The following WASL variants were observed in gnomAD, a reference collection of about 807,000 sequenced individuals.
WASL encodes WASP like actin nucleation promoting factor, also known as actin nucleation-promoting factor WASL.
A neutral mutation model predicts 55.5 loss-of-function variants in WASL; 20 were observed. The observed-to-expected ratio is 0.36, with a 90% confidence interval of 0.25 to 0.52. The LOEUF is 0.52. WASL is among the 20% of genes least tolerant of loss of function. The pLI is 0.92. For missense variants in WASL, 504 were observed against 622.5 expected, an observed-to-expected ratio of 0.81 and a Z score of 2.03; for synonymous variants, 249 against 217.6, an observed-to-expected ratio of 1.14 and a Z score of -1.27.
Position 123,747,462 on chromosome 7 carries a change from C to T in WASL, c.117+1156G>A, listed in dbSNP as rs1221391600. Among the ~76,000 whole-genome samples, 11 of 152,180 alleles carry T rather than the reference C, an allele frequency of 7.2e-5. 1 individual carries two copies. The highest frequency in any genetic ancestry group is 7.2e-4 in the Admixed American group (11 of 15,280). On this transcript the variant is annotated intron_variant, in intron 1 of 10. Transcript: ENST00000223023. ...GATGGCACAAGATACAAAGGGTGGA[C>T]TCCTATGAAGTTAACAATGAATCCA... is the stretch of plus-strand genomic sequence containing the variant.
intron 1 of WASL, among the ~76,000 whole-genome samples, chr7:123,714,820 T>G (rs1191722631): frequency 2.6e-5 from 4 of 152,028 alleles, no homozygotes; most frequent in Non-Finnish European, 5.9e-5. Context: ...AAAACCTAAC[T>G]AGTGTAGGAA....
chr7:123,701,076 C>G (rs1476578872), intron 5 of WASL, among the ~76,000 whole-genome samples: 1 of 152,104 alleles, frequency 6.6e-6, no homozygotes, highest in East Asian at 1.9e-4. Context: ...AAAGTGATAA[C>G]CTGTTTAAGG....
chr7:123,721,734 G>GA (rs1290101432), intron 1 of WASL, among the ~76,000 whole-genome samples: 1 of 152,106 alleles, frequency 6.6e-6, no homozygotes, highest in Non-Finnish European at 1.5e-5. Flanking sequence ...CCAACATGAT[G>GA]AAACCCTGTC....
In WASL at chr7:123,684,254, T is replaced by C. The variant is rs983066247; in HGVS notation, c.*265A>G. The C allele has an allele frequency of 6.8e-5, 12 of 176,604 alleles. No homozygotes were observed. Among genetic ancestry groups the C allele is most frequent in the Admixed American group, 4.3e-4 (7 of 16,106 alleles). 10.9% of individuals were successfully genotyped at this position (176,604 alleles called of 1,614,324 possible). A position where few individuals can be genotyped will look rare whatever the true frequency, so the allele number is the denominator to read the frequency against. On this transcript the variant is annotated 3_prime_UTR_variant, in exon 11 of 11. Coordinates refer to ENST00000223023, the MANE Select transcript of WASL (RefSeq NM_003941.4). ...CACATATAGTATTTAAACTCCCTTG[T>C]TGATGGAATGAAAAATATTCACAAA...
intron 5 of WASL, among the ~76,000 whole-genome samples, chr7:123,699,304 G>A (rs935612517): frequency 1.3e-5 from 2 of 152,132 alleles, no homozygotes. Context: ...CTTGAACCTG[G>A]GAGGCAGAGG....
chr7:123,700,996 T>C (rs1457459922), intron 5 of WASL, among the ~76,000 whole-genome samples: 1 of 152,210 alleles, frequency 6.6e-6, no homozygotes, highest in East Asian at 1.9e-4. Context: ...AGTTTGAAGA[T>C]GTTAGGAAAT....
At chr7:123,699,309 C>CA (rs1196853725) in intron 5 of WASL, among the ~76,000 whole-genome samples, 8 of 152,090 alleles carry the variant, frequency 5.3e-5, no homozygotes, top group Non-Finnish European at 1.2e-4. Context: ...ACCTGGGAGG[C>CA]AGAGGTTGCA....
intron 1 of WASL, among the ~76,000 whole-genome samples, chr7:123,738,185 A>C (rs955009828): frequency 6.6e-6 from 1 of 152,194 alleles, no homozygotes; most frequent in African/African-American, 2.4e-5. Context: ...TTACACATAA[A>C]TATAACTTGA....
chr7:123,747,104 A>T (rs144471974), intron 1 of WASL, among the ~76,000 whole-genome samples: 1 of 152,348 alleles, frequency 6.6e-6, no homozygotes, highest in Non-Finnish European at 1.5e-5. Context: ...TTTAGAAATA[A>T]ATCAGTAACA....
At chr7:123,690,144 G>A (rs569524262) in intron 9 of WASL, among the ~76,000 whole-genome samples, 3 of 152,270 alleles carry the variant, frequency 2.0e-5, no homozygotes, top group South Asian at 2.1e-4. Flanking sequence ...GGCTCTCAAG[G>A]AGGTACAACA....
chr7:123,748,420 A>G (rs55633050), intron 1 of WASL, among the ~76,000 whole-genome samples, 198 bp downstream of exon 1: 68,956 of 151,688 alleles, frequency 0.45, 15,949 homozygotes, highest in South Asian at 0.67. Flanking sequence ...GCAGCTCGGG[A>G]AGGCGGCGCC....
chr7:123,742,336 G>A (rs1170553132), intron 1 of WASL, among the ~76,000 whole-genome samples: 2 of 152,052 alleles, frequency 1.3e-5, no homozygotes, highest in Non-Finnish European at 2.9e-5. Context: ...AATATAATAA[G>A]CCATAATTTC....
chr7:123,697,309 A>G (rs569487786), intron 5 of WASL, among the ~76,000 whole-genome samples: 3 of 152,338 alleles, frequency 2.0e-5, no homozygotes, highest in Admixed American at 2.0e-4. Context: ...TCAGAAGTAT[A>G]GAATTTAAAA....
chr7:123,722,318 T>A lies in WASL; in HGVS notation c.118-13095A>T, dbSNP rs2090582501. On this transcript the variant is annotated intron_variant, in intron 1 of 10. Transcript: ENST00000223023. Reference sequence around the variant, plus strand: ...TATAAGGTCAACAGAAGGTCAAAGTTGGGATAACTACACAAAGGAATGTTC... The same window carrying A: ...TATAAGGTCAACAGAAGGTCAAAGTAGGGATAACTACACAAAGGAATGTTC... Among the ~76,000 whole-genome samples the A allele has an allele frequency of 2.0e-5, 3 of 152,254 alleles. No homozygotes were observed. In the South Asian group the frequency reaches 6.2e-4, roughly 32 times the overall value.
chr7:123,722,887 T>C (rs183334009), intron 1 of WASL, among the ~76,000 whole-genome samples: 1 of 152,084 alleles, frequency 6.6e-6, no homozygotes, highest in African/African-American at 2.4e-5. Flanking sequence ...CTGGGAAGGC[T>C]AAGAAGGGAG....
At chr7:123,739,673 A>G (rs1174928755) in intron 1 of WASL, among the ~76,000 whole-genome samples, 1 of 152,160 alleles carries the variant, frequency 6.6e-6, no homozygotes, top group East Asian at 1.9e-4. Flanking sequence ...AGGTGTGTTA[A>G]ATGCATTTTT....
chr7:123,744,949 C>G (rs1337624960), intron 1 of WASL, among the ~76,000 whole-genome samples: 1 of 152,138 alleles, frequency 6.6e-6, no homozygotes, highest in Non-Finnish European at 1.5e-5. Context: ...AATGAAATCT[C>G]AATTTCCACA....
At chr7:123,728,296 G>A (rs1482694403) in intron 1 of WASL, among the ~76,000 whole-genome samples, 2 of 152,180 alleles carry the variant, frequency 1.3e-5, no homozygotes, top group Non-Finnish European at 2.9e-5. Flanking sequence ...ATTGGAAAAT[G>A]CAATTTGGCA....
chr7:123,743,405 C>T (rs555556012), intron 1 of WASL, among the ~76,000 whole-genome samples: 1 of 151,576 alleles, frequency 6.6e-6, no homozygotes, highest in Non-Finnish European at 1.5e-5. Flanking sequence ...GACTAAAATT[C>T]AGGAACTCCT....
Sources: allele counts gnomAD v4.1 joint callset (sites outside exome capture counted in the v4.1 genomes callset), GRCh38; gene constraint gnomAD v4.1.1; transcripts MANE v1.5; gene names NCBI Gene and HGNC (gene_info 2026-07-23, HGNC 2026-07-21).